Variants in XPO7 observed in about 807,000 individuals in gnomAD.
XPO7 encodes the protein exportin-7.
XPO7 carries 21 observed loss-of-function variants against 144.3 expected under a neutral mutation model. The ratio of observed to expected loss-of-function variants is 0.15; its 90% CI spans 0.10 to 0.21. The LOEUF is 0.21. XPO7 is among the 10% of genes least tolerant of loss of function. XPO7 has a pLI of 1.00. For synonymous variants in XPO7, 580 were observed against 499.6 expected (o/e 1.16, Z -2.15); for missense variants, 808 against 1,325.8 (o/e 0.61, Z 6.06).
At chr8:21,923,146 T>A (rs1810345595) in intron 1 of XPO7, among the ~76,000 whole-genome samples, 1 of 152,216 alleles carries the variant, frequency 6.6e-6, no homozygotes, top group Non-Finnish European at 1.5e-5. Flanking sequence ...AAAACATAAC[T>A]TTTCTAACTT....
At chr8:21,967,471 C>G (rs957631266) in intron 2 of XPO7, among the ~76,000 whole-genome samples, 40 of 152,294 alleles carry the variant, frequency 2.6e-4, no homozygotes, top group Admixed American at 2.2e-3. Context: ...GCTGGGATCA[C>G]AGGCATGCAC....
At chr8:21,987,445 G>A (rs1036920397) in intron 14 of XPO7, among the ~76,000 whole-genome samples, 169 bp downstream of exon 14, 1 of 152,132 alleles carries the variant, frequency 6.6e-6, no homozygotes, top group Non-Finnish European at 1.5e-5. Context: ...CAAAGAATTG[G>A]GCCCATTTCT....
At chr8:21,920,852 T>G (rs1005851263) in intron 1 of XPO7, among the ~76,000 whole-genome samples, 1 of 152,210 alleles carries the variant, frequency 6.6e-6, no homozygotes, top group African/African-American at 2.4e-5. Flanking sequence ...CGCCTTTATA[T>G]TCTGTGGCAT....
intron 23 of XPO7, 105 bp from the exon 24 acceptor site, chr8:21,999,431 C>CTTCT: frequency 6.4e-7 from 1 of 1,571,556 alleles, no homozygotes. Flanking sequence ...CTAACTAAGT[C>CTTCT]TTCTGTTTTC....
chr8:21,974,847 G>A, intron 6 of XPO7, 73 bp downstream of exon 6: 2 of 1,256,160 alleles, frequency 1.6e-6, no homozygotes, highest in Non-Finnish European at 2.2e-6. Context: ...CTTGTTAAAT[G>A]TCAGCTTTTA....
Position 21,966,972 on chromosome 8 carries a change from G to A in XPO7, c.134G>A (p.Ser45Asn), listed in dbSNP as rs1427377538. ...TTTACCAACAGCCCTGATTGCCTGA[G>A]CAAGTGCCAGCTACTCCTCGAAAGA... ...VEFTNSPDCL[S>N]KCQLLLERGS... Residue 45 changes from serine (S) to asparagine (N), a missense_variant, in exon 2 of 28, where the codon AGC (serine) becomes AAC (asparagine). Ser to Asn is a conservative substitution (Grantham distance 46). Around this residue, in one of 5 missense-constraint regions of XPO7, gnomAD observed 223 missense variants for 368.8 expected, o/e 0.60. Transcript: ENST00000252512. 3 of 1,613,810 alleles carry A rather than the reference G, an allele frequency of 1.9e-6. No homozygotes were observed. The highest frequency in any genetic ancestry group is 1.7e-4 in the Middle Eastern group (1 of 6,058).
intron 10 of XPO7, 125 bp from the exon 11 acceptor site, chr8:21,982,515 G>A: frequency 8.8e-7 from 1 of 1,134,308 alleles, no homozygotes; most frequent in Non-Finnish European, 1.2e-6. Flanking sequence ...ACAGAACAAA[G>A]CCCACAAAAG....
chr8:21,952,730 A>G (rs939133464), intron 1 of XPO7, among the ~76,000 whole-genome samples: 33 of 152,206 alleles, frequency 2.2e-4, no homozygotes, highest in African/African-American at 8.0e-4. Context: ...TCAGTGTTAT[A>G]ACGCCTGTGT....
intron 7 of XPO7, 30 bp downstream of exon 7, chr8:21,976,551 G>A: frequency 6.3e-7 from 1 of 1,597,186 alleles, no homozygotes; most frequent in Non-Finnish European, 8.5e-7. Flanking sequence ...CTCAAAGGCT[G>A]TCTGTCACTC....
chr8:21,975,646 C>T (rs1252589501), intron 6 of XPO7, among the ~76,000 whole-genome samples: 11 of 152,200 alleles, frequency 7.2e-5, no homozygotes, highest in Non-Finnish European at 1.6e-4. Flanking sequence ...CCCAAATAAT[C>T]CTCAGGTTAA....
At chr8:21,964,798 A>G (rs537572198) in intron 1 of XPO7, among the ~76,000 whole-genome samples, 1 of 152,390 alleles carries the variant, frequency 6.6e-6, no homozygotes, top group South Asian at 2.1e-4. Context: ...CATAACCTGC[A>G]TGTAGGTTTT....
At chr8:21,925,339 G>A (rs887073469) in intron 1 of XPO7, among the ~76,000 whole-genome samples, 14 of 152,170 alleles carry the variant, frequency 9.2e-5, no homozygotes, top group Non-Finnish European at 1.8e-4. Context: ...CCATAAAATG[G>A]GAAGGATGTA....
chr8:21,976,102 G>A (rs959541223), intron 6 of XPO7, among the ~76,000 whole-genome samples: 1 of 152,190 alleles, frequency 6.6e-6, no homozygotes, highest in African/African-American at 2.4e-5. Context: ...GAGGAGTATA[G>A]TAAGTGTTAA....
chr8:21,947,048 TAAA>T (rs1016250053), intron 1 of XPO7, among the ~76,000 whole-genome samples: 2 of 152,134 alleles, frequency 1.3e-5, no homozygotes, highest in Admixed American at 1.3e-4. Flanking sequence ...GGGATATACT[TAAA>T]GAAGGAAAAT....
chr8:21,943,944 T>C (rs550713494), intron 1 of XPO7, among the ~76,000 whole-genome samples: 2 of 152,292 alleles, frequency 1.3e-5, no homozygotes, highest in South Asian at 2.1e-4. Context: ...GCTAATAATG[T>C]TTGGAGAAAA....
intron 2 of XPO7, among the ~76,000 whole-genome samples, chr8:21,968,019 T>C (rs1811941736): frequency 6.6e-6 from 1 of 152,194 alleles, no homozygotes; most frequent in South Asian, 2.1e-4. Context: ...TCCTCATATT[T>C]TTCCTAATCC....
At chr8:21,970,798 G>A (rs188532588) in intron 4 of XPO7, among the ~76,000 whole-genome samples, 2 of 151,830 alleles carry the variant, frequency 1.3e-5, no homozygotes, top group South Asian at 2.1e-4. Context: ...AAATTATAAT[G>A]GAACTGGAAA....
intron 4 of XPO7, among the ~76,000 whole-genome samples, chr8:21,971,125 A>T (rs1050958646): frequency 5.3e-5 from 8 of 152,256 alleles, no homozygotes; most frequent in Non-Finnish European, 8.8e-5. Flanking sequence ...TGCCCACAGT[A>T]TAGTCACGTG....
At position 22,005,674 on chromosome 8, in the gene XPO7, A is replaced by G. The variant is rs1370814258; in HGVS notation, c.*586A>G. ...AAATTCCAAATGTATATTTTTTCGT[A>G]TTGCCCTGTCCTCACCCAGAAATGA... On this transcript the variant is annotated 3_prime_UTR_variant, in exon 28 of 28. Transcript: ENST00000252512. 1.3e-5 allele frequency: 2 copies of G among 151,998 alleles called. No homozygotes were observed. Among genetic ancestry groups the G allele is most frequent in the African/African-American group, 2.4e-5 (1 of 41,394 alleles). 9.4% of individuals were successfully genotyped at this position (151,998 alleles called of 1,614,324 possible).
Sources: allele counts gnomAD v4.1 joint callset (sites outside exome capture counted in the v4.1 genomes callset), GRCh38; gene constraint gnomAD v4.1.1; regional missense constraint gnomAD v4.1.1; transcripts MANE v1.5; gene names NCBI Gene and HGNC (gene_info 2026-07-23, HGNC 2026-07-21).